Variants in LTBR observed in about 807,000 individuals in gnomAD.
LTBR encodes lymphotoxin beta receptor.
Under a neutral mutation model 45.4 loss-of-function variants are expected in LTBR, and 15 were observed. That is an observed-to-expected ratio of 0.33 (90% CI 0.22 to 0.51). LTBR has a LOEUF of 0.51. LTBR is among the 20% of genes least tolerant of loss of function. The pLI is 0.97. For synonymous variants in LTBR, 228 were observed against 231.0 expected, an observed-to-expected ratio of 0.99 and a Z score of 0.12; for missense variants, 450 against 565.5, an observed-to-expected ratio of 0.80 and a Z score of 2.07.
intron 2 of LTBR, 47 bp downstream of exon 2, chr12:6,384,731 G>A (rs773197775): frequency 3.2e-6 from 5 of 1,556,716 alleles, no homozygotes; most frequent in South Asian, 1.1e-5. Context: ...AGTGGGTCAC[G>A]GGGGCTCCAG....
intron 4 of LTBR, chr12:6,385,582 T>C (rs1261211370): frequency 1.5e-6 from 1 of 665,290 alleles, no homozygotes; most frequent in Non-Finnish European, 2.5e-6. Flanking sequence ...CAGGAGGTGG[T>C]TCTTCTCAGT....
intron 1 of LTBR, chr12:6,377,058 C>A (rs980493514): frequency 3.7e-6 from 2 of 538,430 alleles, no homozygotes; most frequent in East Asian, 3.0e-5. Flanking sequence ...ACTCAGGAAG[C>A]CTTCCCAGAG....
rs753439528 is a variant in LTBR, at chr12:6,390,930, ATGAC to A, written c.*1_*4del. On this transcript the variant is annotated frameshift_variant, in exon 10 of 10. Transcript: ENST00000228918. LOFTEE classifies it high-confidence loss of function. ...GGCCCAAGGAACCAATTTATCACCC[ATGAC>A]TGACTGAGTCTGAGAAAAGGCAGAA... is the stretch of plus-strand genomic sequence containing the variant. 5.6e-5 allele frequency: 87 copies of A among 1,562,268 alleles called. No individual in the cohort carries two copies. The highest frequency in any genetic ancestry group is 7.5e-5 in the Non-Finnish European group (86 of 1,153,808).
At chr12:6,383,027 A>T (rs956678147), upstream of LTBR, among the ~76,000 whole-genome samples, 6 of 152,126 alleles carry the variant, frequency 3.9e-5, no homozygotes, top group Non-Finnish European at 8.8e-5. Flanking sequence ...TATGTGCCAG[A>T]CTCTGCTAAG....
rs775444157 is a variant in LTBR at position 6,390,868 on chromosome 12, G to C, written c.1239G>C (p.Ala413=). The C allele has an allele frequency of 6.2e-6, 10 of 1,610,084 alleles. No homozygotes were observed. Among genetic ancestry groups the C allele is most frequent in the South Asian group, 1.1e-5 (1 of 89,738 alleles). Residue 413 remains alanine, a synonymous_variant, in exon 10 of 10, where the codon GCG becomes GCC. Transcript: ENST00000228918. ...AAGATGGCAAGGCTTGGCACCTAGCGGAGACAGAGCACTGTGGTGCCACAC... is the reference window on the plus strand; with the variant it reads ...AAGATGGCAAGGCTTGGCACCTAGCCGAGACAGAGCACTGTGGTGCCACAC... ...HQEDGKAWHL[A]ETEHCGATPS... is the part of the protein sequence containing the mutation.
rs562251973 is a variant in LTBR at position 6,384,388 on chromosome 12, C to T, written c.30C>T (p.Pro10=). Residue 10 remains proline, a synonymous_variant, in exon 1 of 10, where the codon CCC becomes CCT. Coordinates refer to ENST00000228918, the MANE Select transcript of LTBR (RefSeq NM_002342.3). The part of the protein sequence containing the change: MLLPWATSA[P]GLAWGPLVLG... ...TCCTGCCTTGGGCCACCTCTGCCCC[C>T]GGCCTGGCCTGGGGGCCTCTGGTGC... The T allele has an allele frequency of 2.4e-4, 363 of 1,537,554 alleles. No homozygotes were observed. The highest frequency in any genetic ancestry group is 1.1e-3 in the Middle Eastern group (6 of 5,304).
Position 6,388,642 on chromosome 12 carries a change from A to T in LTBR, c.775+137A>T. 2 of 1,120,852 alleles carry T rather than the reference A, an allele frequency of 1.8e-6. No individual in the cohort carries two copies. Among genetic ancestry groups the T allele is most frequent in the South Asian group, 1.3e-5 (1 of 75,866 alleles). The allele number at this position is 1,120,852 out of a possible 1,614,324, so 69.4% of individuals were successfully genotyped here. On this transcript the variant is annotated intron_variant, in intron 7 of 9. Coordinates refer to ENST00000228918, the MANE Select transcript of LTBR (RefSeq NM_002342.3). This position sits in a 1 kb window ranked among gnomAD's most constrained non-coding sequence, Gnocchi z 4.3. The stretch of plus-strand genomic sequence containing the variant: ...AACATAGACATCCTTATCTTCATCC[A>T]GCTGCTTATTCTGAGGCTGGAGATG...
At position 6,391,011 on chromosome 12, in the gene LTBR, G is replaced by T; in HGVS notation, c.*74G>T. 1 of 1,426,268 alleles carries T rather than the reference G, an allele frequency of 7.0e-7. No homozygotes were observed. The highest frequency in any genetic ancestry group is 9.3e-7 in the Non-Finnish European group (1 of 1,077,510). The allele number at this position is 1,426,268 out of a possible 1,614,324, so 88.4% of individuals were successfully genotyped here. A position where few individuals can be genotyped will look rare whatever the true frequency, so the allele number is the denominator to read the frequency against. ...CCTTGAGGCTGCCCTGCCCACGTGG[G>T]ATTCACAGGGGCCTGAGTAGGGCCC... On this transcript the variant is annotated 3_prime_UTR_variant, in exon 10 of 10. Transcript: ENST00000228918.
chr12:6,382,520 C>T (rs983173324), upstream of LTBR, among the ~76,000 whole-genome samples: 3 of 152,222 alleles, frequency 2.0e-5, no homozygotes, highest in African/African-American at 4.8e-5. Context: ...CATCCCAGCC[C>T]CCAGCGCTAG....
chr12:6,375,282 C>T, upstream of LTBR: 4 of 1,438,796 alleles, frequency 2.8e-6, no homozygotes, highest in Non-Finnish European at 3.6e-6. Flanking sequence ...CTAATCCTGC[C>T]TCTCTTCCTC....
Position 6,384,170 on chromosome 12 carries a change from T to A in LTBR, c.-189T>A. ...CGCGGCCAGCTCGCTCCACTCCCAC[T>A]TCCTGAGCTCCGCCATGGGAGCCCT... is the stretch of plus-strand genomic sequence containing the variant. On this transcript the variant is annotated 5_prime_UTR_variant, in exon 1 of 10. Transcript: ENST00000228918. 1.5e-6 allele frequency: 2 copies of A among 1,297,400 alleles called. No individual in the cohort carries two copies. Among genetic ancestry groups the A allele is most frequent in the Non-Finnish European group, 1.9e-6 (2 of 1,027,046 alleles). 80.4% of individuals were successfully genotyped at this position (1,297,400 alleles called of 1,614,324 possible). A position where few individuals can be genotyped will look rare whatever the true frequency, so the allele number is the denominator to read the frequency against.
In LTBR at chr12:6,388,963, G is replaced by A. The variant is rs773439185; in HGVS notation, c.801+138G>A. ...ACTGATGATTTACTGAACATGCCAC[G>A]TACCAGGCACTGTCCTAGGCACTGG... On this transcript the variant is annotated intron_variant, in intron 8 of 9. Coordinates refer to ENST00000228918, the MANE Select transcript of LTBR (RefSeq NM_002342.3). This position sits in a 1 kb window ranked among gnomAD's most constrained non-coding sequence, Gnocchi z 4.3. The A allele has an allele frequency of 1.7e-5, 18 of 1,080,826 alleles. No individual in the cohort carries two copies. Among genetic ancestry groups the A allele is most frequent in the Admixed American group, 5.8e-5 (3 of 51,334 alleles). The allele number at this position is 1,080,826 out of a possible 1,614,324, so 67.0% of individuals were successfully genotyped here.
intron 1 of LTBR, among the ~76,000 whole-genome samples, chr12:6,379,032 G>A (rs917274875): frequency 2.6e-5 from 4 of 152,150 alleles, no homozygotes; most frequent in Admixed American, 2.0e-4. Context: ...AGGAGATGAC[G>A]GAAGTAATCA....
Position 6,384,296 on chromosome 12 carries a change from C to A in LTBR, c.-63C>A. ...CAGCCGCCGCCACCGCTGCCCAGGACGTCGGGCCTCCTGCCTTCCTCCCAG... is the reference window on the plus strand; with the variant it reads ...CAGCCGCCGCCACCGCTGCCCAGGAAGTCGGGCCTCCTGCCTTCCTCCCAG... On this transcript the variant is annotated 5_prime_UTR_variant, in exon 1 of 10. Transcript: ENST00000228918. 2 of 1,432,486 alleles carry A rather than the reference C, an allele frequency of 1.4e-6. No homozygotes were observed. Among genetic ancestry groups the A allele is most frequent in the Non-Finnish European group, 9.1e-7 (1 of 1,098,474 alleles). 88.7% of individuals were successfully genotyped at this position (1,432,486 alleles called of 1,614,324 possible). A position where few individuals can be genotyped will look rare whatever the true frequency, so the allele number is the denominator to read the frequency against.
At chr12:6,379,604 A>T (rs971455746), upstream of LTBR, among the ~76,000 whole-genome samples, 2 of 152,196 alleles carry the variant, frequency 1.3e-5, no homozygotes, top group Admixed American at 6.5e-5. Context: ...GCCACTCTTC[A>T]TCTAGTCCCC....
At chr12:6,385,922 A>AAG (rs1949039973) in intron 4 of LTBR, 144 bp from the exon 5 acceptor site, 1 of 612,130 alleles carries the variant, frequency 1.6e-6, no homozygotes, top group Non-Finnish European at 2.9e-6. Context: ...AAAAAAAAAA[A>AAG]GGCAGCAAAG....
chr12:6,377,903 G>C (rs1369181506), intron 1 of LTBR, among the ~76,000 whole-genome samples: 2 of 152,254 alleles, frequency 1.3e-5, no homozygotes, highest in Non-Finnish European at 2.9e-5. Flanking sequence ...CCGGGTATGG[G>C]AGTGGCAATG....
Position 6,386,185 on chromosome 12 carries a change from T to C in LTBR, c.569+23T>C. On this transcript the variant is annotated intron_variant, in intron 5 of 9. Coordinates refer to ENST00000228918, the MANE Select transcript of LTBR (RefSeq NM_002342.3). The surrounding 1 kb of genome is among the most constrained non-coding windows in gnomAD (Gnocchi z 4.1). ...CAGGTGAGTGCAGCCCCACCCAAGC[T>C]CCTTCCACCCTCTGAGAAGCCTCAG... 2 of 1,593,950 alleles carry C rather than the reference T, an allele frequency of 1.3e-6. No individual in the cohort carries two copies. The highest frequency in any genetic ancestry group is 1.7e-6 in the Non-Finnish European group (2 of 1,162,318).
At position 6,386,426 on chromosome 12, in the gene LTBR, C is replaced by G. The variant is rs761351825; in HGVS notation, c.649C>G (p.Leu217Val). The stretch of plus-strand genomic sequence containing the variant: ...AACCTGCAAAAATCCATTAGAGCCA[C>G]TGCCCCCAGAGATGTCAGGTGAGGG... The part of the protein sequence containing the change: ...DTTCKNPLEP[L>V]PPEMSGTMLM... The change falls in exon 6 of 10, where the codon CTG (leucine) becomes GTG (valine). Residue 217 changes from leucine to valine, a missense_variant. Physicochemically the swap from Leu to Val is conservative, Grantham distance 32. Coordinates refer to ENST00000228918, the MANE Select transcript of LTBR (RefSeq NM_002342.3). This position sits in a 1 kb window ranked among gnomAD's most constrained non-coding sequence, Gnocchi z 4.1. 2.5e-6 allele frequency: 4 copies of G among 1,613,506 alleles called. No individual in the cohort carries two copies. The highest frequency in any genetic ancestry group is 1.7e-6 in the Non-Finnish European group (2 of 1,179,760).
Sources: gnomAD v4.1 joint callset for allele counts (sites outside exome capture counted in the v4.1 genomes callset) on GRCh38, gnomAD v4.1.1 for gene constraint, Gnocchi (gnomAD v3.1) non-coding constraint, MANE v1.5 for transcripts, NCBI Gene and HGNC (gene_info 2026-07-23, HGNC 2026-07-21) for gene names.